Variants in SGCZ observed in about 807,000 individuals in gnomAD.
SGCZ encodes the protein sarcoglycan zeta, also known as zeta-sarcoglycan.
In SGCZ, 40 loss-of-function variants were observed where a neutral mutation model predicts 41.3. The ratio of observed to expected loss-of-function variants is 0.97; its 90% CI spans 0.75 to 1.26. The LOEUF is 1.26. SGCZ is among the 50% of genes most tolerant of loss of function. The pLI, the probability that SGCZ is intolerant of heterozygous loss-of-function variation, is 0.00. For synonymous variants in SGCZ, 206 were observed against 137.5 expected (o/e 1.50, Z -3.49); for missense variants, 552 against 369.8 (o/e 1.49, Z -4.04).
At chr8:14,831,810 A>G (rs761121465) in intron 1 of SGCZ, among the ~76,000 whole-genome samples, 1 of 133,486 alleles carries the variant, frequency 7.5e-6, no homozygotes, top group African/African-American at 3.1e-5. Flanking sequence ...ACATGTATAT[A>G]TGTGTGCACA....
intron 1 of SGCZ, among the ~76,000 whole-genome samples, chr8:14,638,070 C>T (rs561399282): frequency 5.9e-5 from 9 of 151,880 alleles, no homozygotes; most frequent in South Asian, 2.1e-4. Context: ...CGATCAGTGA[C>T]GTTGAGCATT....
intron 4 of SGCZ, among the ~76,000 whole-genome samples, chr8:14,216,912 A>G (rs1433654881): frequency 6.6e-6 from 1 of 152,200 alleles, no homozygotes; most frequent in Non-Finnish European, 1.5e-5. Flanking sequence ...AAGATGTAGC[A>G]CAAGAGAAAC....
chr8:14,527,729 CAT>C (rs1802997906), intron 2 of SGCZ, among the ~76,000 whole-genome samples: 2 of 152,190 alleles, frequency 1.3e-5, no homozygotes, highest in African/African-American at 2.4e-5. Context: ...TCAATAAGCA[CAT>C]GTGTTAATTA....
chr8:14,634,153 G>C (rs1307464626), intron 1 of SGCZ, among the ~76,000 whole-genome samples: 1 of 151,714 alleles, frequency 6.6e-6, no homozygotes, highest in African/African-American at 2.4e-5. Context: ...ATTTTTTAAA[G>C]CTTTGAATAA....
intron 1 of SGCZ, among the ~76,000 whole-genome samples, chr8:15,041,271 AT>A (rs1387094726): frequency 6.6e-6 from 1 of 151,970 alleles, no homozygotes; most frequent in Non-Finnish European, 1.5e-5. Context: ...TAAAATCAGT[AT>A]GTTTATGAAT....
intron 3 of SGCZ, among the ~76,000 whole-genome samples, chr8:14,256,335 C>A (rs1291676850): frequency 6.6e-6 from 1 of 151,890 alleles, no homozygotes; most frequent in Non-Finnish European, 1.5e-5. Context: ...TTAATCATGT[C>A]TCTTCCTCAG....
At chr8:14,752,019 A>G (rs1799514355) in intron 1 of SGCZ, among the ~76,000 whole-genome samples, 1 of 151,906 alleles carries the variant, frequency 6.6e-6, no homozygotes, top group Non-Finnish European at 1.5e-5. Flanking sequence ...TTGTTGCTAC[A>G]AAGAAAAGGG....
intron 4 of SGCZ, among the ~76,000 whole-genome samples, chr8:14,167,751 T>G (rs1804252002): frequency 6.6e-6 from 1 of 152,204 alleles, no homozygotes. Context: ...AAAGCCAATT[T>G]CTTGCTTCTC....
At chr8:14,708,681 A>G (rs1809409493) in intron 1 of SGCZ, among the ~76,000 whole-genome samples, 1 of 152,134 alleles carries the variant, frequency 6.6e-6, no homozygotes, top group Non-Finnish European at 1.5e-5. Flanking sequence ...CCAAGTATTA[A>G]CAAACATACT....
intron 1 of SGCZ, among the ~76,000 whole-genome samples, chr8:14,808,044 C>T (rs1387134646): frequency 2.0e-5 from 3 of 152,026 alleles, no homozygotes; most frequent in Non-Finnish European, 2.9e-5. Flanking sequence ...AAAGCTGAAA[C>T]TGGATCCCTT....
In SGCZ at chr8:14,518,894, CA is replaced by C. The variant is rs370947291; in HGVS notation, c.234+35837del. 8.4e-4 allele frequency among the ~76,000 whole-genome samples: 108 copies of C among 128,208 alleles called. 1 individual carries two copies. Among genetic ancestry groups the C allele is most frequent in the Admixed American group, 1.4e-3 (17 of 12,240 alleles). 84.1% of individuals were successfully genotyped at this position (128,208 alleles called of 152,430 possible). A position where few individuals can be genotyped will look rare whatever the true frequency, so the allele number is the denominator to read the frequency against. ...CAACATGGCGAAACCCCATCTCTAC[CA>C]AAAAAAAAAAAAAAAATACAAAAAT... is the stretch of plus-strand genomic sequence containing the variant. On this transcript the variant is annotated intron_variant, in intron 2 of 7. Transcript: ENST00000382080.
At chr8:14,565,453 TC>T (rs1397236386) in intron 1 of SGCZ, among the ~76,000 whole-genome samples, 2 of 152,134 alleles carry the variant, frequency 1.3e-5, no homozygotes, top group East Asian at 3.9e-4. Context: ...CCCAAGGTAG[TC>T]TTTTTCCTGC....
At chr8:14,102,577 T>TAAACTAGAAGACAACATTGGTC in intron 6 of SGCZ, 78 bp from the exon 7 acceptor site, 1 of 1,218,138 alleles carries the variant, frequency 8.2e-7, no homozygotes. Context: ...AAATTTTTGA[T>TAAACTAGAAGACAACATTGGTC]AAACTAGAAG....
chr8:15,215,175 T>A (rs765559986), intron 1 of SGCZ, among the ~76,000 whole-genome samples: 1 of 152,172 alleles, frequency 6.6e-6, no homozygotes, highest in East Asian at 1.9e-4. Flanking sequence ...AACTGTGGCA[T>A]CCTGTGGCAT....
At chr8:14,855,453 C>T (rs1803514289) in intron 1 of SGCZ, among the ~76,000 whole-genome samples, 1 of 152,106 alleles carries the variant, frequency 6.6e-6, no homozygotes, top group Non-Finnish European at 1.5e-5. Flanking sequence ...CAAAACATTG[C>T]CCCATTTTAC....
intron 3 of SGCZ, among the ~76,000 whole-genome samples, chr8:14,279,477 TA>T (rs1393951954): frequency 1.3e-5 from 2 of 151,988 alleles, no homozygotes; most frequent in Non-Finnish European, 2.9e-5. Context: ...CTAATAAAGA[TA>T]ACCAGCATTC....
intron 2 of SGCZ, among the ~76,000 whole-genome samples, chr8:14,539,606 T>C (rs1803398799): frequency 1.3e-5 from 2 of 151,982 alleles, no homozygotes; most frequent in Admixed American, 1.3e-4. Flanking sequence ...GGTAAACTTG[T>C]GTCATGGAGG....
At chr8:14,244,609 G>GA (rs1799018613) in intron 3 of SGCZ, among the ~76,000 whole-genome samples, 2 of 151,506 alleles carry the variant, frequency 1.3e-5, no homozygotes, top group Admixed American at 1.3e-4. Flanking sequence ...CTTTAAAGTA[G>GA]TTTTTTCCAA....
intron 1 of SGCZ, among the ~76,000 whole-genome samples, chr8:14,936,708 T>C (rs556277467): frequency 1.3e-5 from 2 of 152,092 alleles, no homozygotes; most frequent in East Asian, 3.9e-4. Flanking sequence ...GATTAGGTCA[T>C]ACATACCACA....
Sources: gnomAD v4.1 joint callset for allele counts (sites outside exome capture counted in the v4.1 genomes callset) on GRCh38, gnomAD v4.1.1 for gene constraint, MANE v1.5 for transcripts, NCBI Gene and HGNC (gene_info 2026-07-23, HGNC 2026-07-21) for gene names.